The following SLFN12L variants were observed in gnomAD, a reference collection of about 807,000 sequenced individuals.
The protein encoded by SLFN12L is schlafen family member 12-like.
Under a neutral mutation model 34.8 loss-of-function variants are expected in SLFN12L, and 34 were observed. That is an observed-to-expected ratio of 0.98 (90% confidence interval 0.74 to 1.30). The LOEUF (loss-of-function observed/expected upper bound fraction) is 1.30, where lower values mean the gene tolerates loss of function less well. Among genes scored for constraint, SLFN12L ranks in the 50% most tolerant of loss-of-function variants. The pLI is 0.00. For missense variants in SLFN12L, 703 were observed against 696.2 expected (o/e 1.01, Z -0.11); for synonymous variants, 259 against 247.5 (o/e 1.05, Z -0.44).
At chr17:35,480,268 G>T in intron 2 of SLFN12L, 73 bp from the exon 3 acceptor site, 1 of 1,188,720 alleles carries the variant, frequency 8.4e-7, no homozygotes, top group Non-Finnish European at 1.2e-6. Flanking sequence ...GGCAAACGTA[G>T]AAAAATCCTT....
rs1204878903 is a variant in SLFN12L, at chr17:35,471,433, C to T, written c.*3490G>A. On this transcript the variant is annotated 3_prime_UTR_variant, in exon 5 of 5. Coordinates refer to ENST00000628453, the MANE Select transcript of SLFN12L (RefSeq NM_001363830.2). ...ATTACAGGCATGAGCCACCGCGCCA[C>T]GCCTGCATGTATCTTTATAGTAGAA... 6.6e-6 allele frequency among the ~76,000 whole-genome samples: 1 copy of T among 152,054 alleles called. No homozygotes were observed. Among genetic ancestry groups the T allele is most frequent in the Non-Finnish European group, 1.5e-5 (1 of 67,992 alleles).
At position 35,472,931 on chromosome 17, in the gene SLFN12L, C is replaced by T. The variant is rs1913830530; in HGVS notation, c.*1992G>A. Among the ~76,000 whole-genome samples, 1 of 152,114 alleles carries T rather than the reference C, an allele frequency of 6.6e-6. No homozygotes were observed. Among genetic ancestry groups the T allele is most frequent in the Non-Finnish European group, 1.5e-5 (1 of 68,020 alleles). ...TTTAGCGATTGTGAATGTGAGTTCA[C>T]TCATGATTTGGCTCTCTGCTTGTCT... On this transcript the variant is annotated 3_prime_UTR_variant, in exon 5 of 5. Transcript: ENST00000628453.
Position 35,530,498 on chromosome 17 carries a change from A to AAGAGAG in SLFN12L, c.-606+7074_-606+7075insCTCTCT, listed in dbSNP as rs1378647380. ...AAAGAAAGAAAGAAAGAAAGAAAGA[A>AAGAGAG]AGAAAGAAAGAAAGAAAAGAAAAGA... On this transcript the variant is annotated intron_variant, in intron 1 of 4. Transcript: ENST00000628453. Among the ~76,000 whole-genome samples the AAGAGAG allele has an allele frequency of 3.9e-4, 15 of 38,744 alleles. 2 individuals carry two copies. Among genetic ancestry groups the AAGAGAG allele is most frequent in the African/African-American group, 9.1e-4 (13 of 14,218 alleles). The allele number at this position is 38,744 out of a possible 152,430, so 25.4% of individuals were successfully genotyped here.
At chr17:35,487,579 C>T (rs1914638404) in intron 2 of SLFN12L, 1 of 766,046 alleles carries the variant, frequency 1.3e-6, no homozygotes, top group South Asian at 1.8e-5. Flanking sequence ...CTTGCAGGCG[C>T]TGTGCCAGCG....
At chr17:35,518,623 A>G (rs1407346929) in intron 2 of SLFN12L, among the ~76,000 whole-genome samples, 2 of 152,168 alleles carry the variant, frequency 1.3e-5, no homozygotes, top group Non-Finnish European at 1.5e-5. Context: ...GTCATTAGAG[A>G]AAAGCAAATC....
intron 2 of SLFN12L, among the ~76,000 whole-genome samples, chr17:35,511,447 A>G: frequency 6.6e-6 from 1 of 152,240 alleles, no homozygotes; most frequent in Non-Finnish European, 1.5e-5. Context: ...ACATAAATTA[A>G]GTGTGACATA....
At chr17:35,502,996 TA>T (rs1022139117) in intron 2 of SLFN12L, among the ~76,000 whole-genome samples, 29 of 151,924 alleles carry the variant, frequency 1.9e-4, no homozygotes, top group African/African-American at 5.8e-4. Context: ...AAAAAAGTTA[TA>T]AAAAAAAGTG....
intron 2 of SLFN12L, among the ~76,000 whole-genome samples, chr17:35,506,798 A>G: frequency 6.6e-6 from 1 of 152,142 alleles, no homozygotes; most frequent in East Asian, 1.9e-4. Flanking sequence ...GTTCCTGATA[A>G]ATTCCCAGCT....
At chr17:35,518,902 T>C (rs1234857758) in intron 2 of SLFN12L, among the ~76,000 whole-genome samples, 3 of 152,208 alleles carry the variant, frequency 2.0e-5, no homozygotes, top group Non-Finnish European at 2.9e-5. Flanking sequence ...TGCACACATA[T>C]GTTTACTGCA....
At chr17:35,531,432 C>T (rs1440913629) in intron 1 of SLFN12L, among the ~76,000 whole-genome samples, 1 of 152,164 alleles carries the variant, frequency 6.6e-6, no homozygotes, top group East Asian at 1.9e-4. Context: ...CTGTCTTCTT[C>T]TGTATTTTAT....
chr17:35,487,485 C>A (rs1403547842), intron 2 of SLFN12L, among the ~76,000 whole-genome samples: 2 of 151,890 alleles, frequency 1.3e-5, no homozygotes, highest in East Asian at 3.9e-4. Context: ...CCCCCGGACC[C>A]CCGGAATAAG....
At chr17:35,530,401 GGAAGGAAGGAAGGAAGGAAGGA>G (rs2072381862) in intron 1 of SLFN12L, among the ~76,000 whole-genome samples, 1 of 10,314 alleles carries the variant, frequency 9.7e-5, no homozygotes, top group African/African-American at 2.9e-4. Context: ...AAGGAAGGAA[GGAAGGAAGGAAGGAAGGAAGGA>G]AGGAAGGGAA....
At chr17:35,476,507 AAG>A (rs1914024374) in intron 4 of SLFN12L, among the ~76,000 whole-genome samples, 1 of 149,390 alleles carries the variant, frequency 6.7e-6, no homozygotes, top group East Asian at 2.0e-4. Context: ...GGAAGGAAGG[AAG>A]GAAGGAAGGA....
intron 2 of SLFN12L, among the ~76,000 whole-genome samples, chr17:35,518,843 A>G (rs1287910721): frequency 6.6e-6 from 1 of 152,254 alleles, no homozygotes; most frequent in Non-Finnish European, 1.5e-5. Context: ...CAATCCCATT[A>G]CTGGGTATAT....
chr17:35,488,941 G>T (rs766016478), intron 2 of SLFN12L, among the ~76,000 whole-genome samples: 3 of 151,488 alleles, frequency 2.0e-5, no homozygotes, highest in Non-Finnish European at 2.9e-5. Context: ...GTGGTGGCAC[G>T]CGCCTGTAAT....
chr17:35,522,614 C>A lies in SLFN12L; in HGVS notation c.-250G>T, dbSNP rs1916031617. On this transcript the variant is annotated 5_prime_UTR_variant, in exon 2 of 5. Transcript: ENST00000628453. ...GACGCAGGGTAATCCATCGGAGACA[C>A]TGCAGCCTCCAAAGCCTCTGCGCTG... 6.2e-7 allele frequency: 1 copy of A among 1,611,302 alleles called. No individual in the cohort carries two copies. The highest frequency in any genetic ancestry group is 8.5e-7 in the Non-Finnish European group (1 of 1,178,730).
intron 2 of SLFN12L, chr17:35,480,635 T>C (rs925715988): frequency 6.5e-6 from 1 of 152,822 alleles, no homozygotes; most frequent in Admixed American, 6.5e-5. Context: ...TCTCCTTTTA[T>C]GGGAAATCCT....
intron 2 of SLFN12L, among the ~76,000 whole-genome samples, chr17:35,503,576 TA>T (rs1367062661): frequency 2.0e-5 from 3 of 151,930 alleles, no homozygotes; most frequent in African/African-American, 7.3e-5. Flanking sequence ...TAAAAACTAA[TA>T]AAAAATAGGT....
chr17:35,481,130 C>T (rs1914319957), intron 2 of SLFN12L, among the ~76,000 whole-genome samples: 1 of 152,238 alleles, frequency 6.6e-6, no homozygotes, highest in African/African-American at 2.4e-5. Flanking sequence ...TAGAGGGCTG[C>T]CTGGCCTAGC....
Sources: allele counts gnomAD v4.1 joint callset (sites outside exome capture counted in the v4.1 genomes callset), GRCh38; gene constraint gnomAD v4.1.1; transcripts MANE v1.5; gene names NCBI Gene and HGNC (gene_info 2026-07-23, HGNC 2026-07-21).